Variants in RREB1 observed in about 807,000 individuals in gnomAD.
The protein encoded by RREB1 is ras responsive element binding protein 1, also known as ras-responsive element-binding protein 1.
In RREB1, 27 loss-of-function variants were observed where a neutral mutation model predicts 117.8. The observed-to-expected ratio is 0.23, with a 90% confidence interval of 0.17 to 0.32. The LOEUF (loss-of-function observed/expected upper bound fraction) is 0.32. Among genes scored for constraint, RREB1 ranks in the 10% least tolerant of loss-of-function variants. The pLI, the probability that RREB1 is intolerant of heterozygous loss-of-function variation, is 1.00. For synonymous variants in RREB1, 1,298 were observed against 1,026.7 expected (o/e 1.26, Z -5.05); for missense variants, 2,577 against 2,378.2 (o/e 1.08, Z -1.74).
chr6:7,135,117 G>A (rs982015994), intron 1 of RREB1, among the ~76,000 whole-genome samples: 7 of 152,184 alleles, frequency 4.6e-5, no homozygotes, highest in Admixed American at 3.3e-4. Context: ...GGAGACTAAC[G>A]TAAGGTCCTG....
At chr6:7,208,254 T>C (rs1459820826) in intron 6 of RREB1, among the ~76,000 whole-genome samples, 1 of 152,226 alleles carries the variant, frequency 6.6e-6, no homozygotes, top group East Asian at 1.9e-4. Context: ...ATGATGATCC[T>C]GGCTGCACTT....
At chr6:7,248,350 G>A (rs1024054174) in intron 12 of RREB1, among the ~76,000 whole-genome samples, 161 bp from the exon 13 acceptor site, 4 of 152,216 alleles carry the variant, frequency 2.6e-5, no homozygotes, top group East Asian at 3.9e-4. Flanking sequence ...GAGCTTGTCC[G>A]TCCTCAGTTT....
chr6:7,211,458 T>G (rs1766599458), intron 7 of RREB1, 115 bp from the exon 8 acceptor site: 1 of 920,218 alleles, frequency 1.1e-6, no homozygotes, highest in Admixed American at 2.0e-5. Flanking sequence ...CAGGATTGGA[T>G]AATGCAACCC....
intron 11 of RREB1, among the ~76,000 whole-genome samples, chr6:7,246,055 A>G (rs116788281): frequency 0.016 from 2,477 of 151,956 alleles, 69 homozygotes; most frequent in African/African-American, 0.057. Flanking sequence ...AGCTTCCTCA[A>G]CTTCCCTAGC....
At chr6:7,185,584 A>G (rs1363563823) in intron 4 of RREB1, among the ~76,000 whole-genome samples, 1 of 151,898 alleles carries the variant, frequency 6.6e-6, no homozygotes, top group Non-Finnish European at 1.5e-5. Context: ...AAAAAAGAAA[A>G]AGTTCCTATT....
intron 2 of RREB1, among the ~76,000 whole-genome samples, chr6:7,179,947 C>T (rs1023648529): frequency 6.6e-6 from 1 of 151,888 alleles, no homozygotes; most frequent in South Asian, 2.1e-4. Flanking sequence ...CAACTGTGCC[C>T]GGTGTGAAGC....
chr6:7,246,884 G>T lies in RREB1; in HGVS notation c.4434G>T (p.Glu1478Asp). The change falls in exon 12 of 13, where the codon GAG (glutamate) becomes GAT (aspartate). Residue 1478 changes from glutamate (E) to aspartate (D), a missense_variant. Glu to Asp is a conservative substitution (Grantham distance 45). Coordinates refer to ENST00000379938, the MANE Select transcript of RREB1 (RefSeq NM_001003699.4). ...KAHGRQEPKDEKGDGASTAEE... is the reference protein window; with the variant it reads ...KAHGRQEPKDDKGDGASTAEE... ...ACGGCCGCCAGGAGCCCAAGGACGA[G>T]AAGGGAGATGGCGCCAGCACTGCAG... 6.4e-7 allele frequency: 1 copy of T among 1,553,034 alleles called. No homozygotes were observed.
rs778890728 is a variant in RREB1 at position 7,251,490 on chromosome 6, T to TTGG, written c.*2523_*2524insGGT. On this transcript the variant is annotated 3_prime_UTR_variant, in exon 13 of 13. Coordinates refer to ENST00000379938, the MANE Select transcript of RREB1 (RefSeq NM_001003699.4). ...TTTTTTGAGGTGCAAGTTTTTTCTCTTTTTTTTTTTTTTTTTTTTTTCTCA... is the reference window on the plus strand; with the variant it reads ...TTTTTTGAGGTGCAAGTTTTTTCTCTTGGTTTTTTTTTTTTTTTTTTTTTCTCA... 1.0e-4 allele frequency: 8 copies of TTGG among 79,540 alleles called. No individual in the cohort carries two copies. The highest frequency in any genetic ancestry group is 6.0e-4 in the African/African-American group (8 of 13,368). 4.9% of individuals were successfully genotyped at this position (79,540 alleles called of 1,614,324 possible). A position where few individuals can be genotyped will look rare whatever the true frequency, so the allele number is the denominator to read the frequency against.
chr6:7,243,296 T>C (rs1205539784), intron 11 of RREB1, among the ~76,000 whole-genome samples: 3 of 152,216 alleles, frequency 2.0e-5, no homozygotes, highest in African/African-American at 7.2e-5. Flanking sequence ...TCTTTAATTG[T>C]TGAGCTGACT....
At chr6:7,209,844 T>C (rs965040064) in intron 6 of RREB1, among the ~76,000 whole-genome samples, 2 of 152,384 alleles carry the variant, frequency 1.3e-5, no homozygotes, top group South Asian at 4.1e-4. Context: ...TCAAGCAAGA[T>C]AATCCTATAG....
intron 1 of RREB1, among the ~76,000 whole-genome samples, chr6:7,108,875 C>G (rs955821833): frequency 3.3e-5 from 5 of 151,206 alleles, no homozygotes; most frequent in Admixed American, 3.3e-4. Flanking sequence ...GGCTGGCGGT[C>G]GTGGTCACGC....
intron 2 of RREB1, among the ~76,000 whole-genome samples, chr6:7,180,539 A>C (rs1466301573): frequency 2.6e-5 from 4 of 152,254 alleles, no homozygotes; most frequent in Non-Finnish European, 2.9e-5. Flanking sequence ...AGTTAAAATG[A>C]GGGAAGCAGT....
At chr6:7,110,498 A>G (rs3028830) in intron 1 of RREB1, among the ~76,000 whole-genome samples, 12 of 52,002 alleles carry the variant, frequency 2.3e-4, no homozygotes, top group Non-Finnish European at 4.1e-4. Flanking sequence ...GTGTGTGTGT[A>G]TGTGTTTACC....
At position 7,251,004 on chromosome 6, in the gene RREB1, T is replaced by C. The variant is rs953364981; in HGVS notation, c.*2036T>C. 3.3e-5 allele frequency: 5 copies of C among 152,156 alleles called. No homozygotes were observed. Among genetic ancestry groups the C allele is most frequent in the South Asian group, 4.1e-4 (2 of 4,826 alleles). The allele number at this position is 152,156 out of a possible 1,614,324, so 9.4% of individuals were successfully genotyped here. A position where few individuals can be genotyped will look rare whatever the true frequency, so the allele number is the denominator to read the frequency against. On this transcript the variant is annotated 3_prime_UTR_variant, in exon 13 of 13. Transcript: ENST00000379938. ...TTATTATTATTACAGTTGTTATTGT[T>C]GTTTTTGTTGTTATTATTATTTGGG...
intron 1 of RREB1, among the ~76,000 whole-genome samples, chr6:7,131,864 T>C (rs1409379932): frequency 4.9e-5 from 7 of 142,740 alleles, no homozygotes; most frequent in Non-Finnish European, 1.1e-4. Flanking sequence ...CCTTGAGGAC[T>C]TTTTTTTTTT....
In RREB1 at chr6:7,226,545, C is replaced by T. The variant is rs765040676; in HGVS notation, c.786C>T (p.Pro262=). The T allele has an allele frequency of 1.2e-6, 2 of 1,614,148 alleles. No homozygotes were observed. Among genetic ancestry groups the T allele is most frequent in the Non-Finnish European group, 1.7e-6 (2 of 1,179,990 alleles). The change falls in exon 9 of 13, where the codon CCC becomes CCT. Residue 262 remains proline, a synonymous_variant. Coordinates refer to ENST00000379938, the MANE Select transcript of RREB1 (RefSeq NM_001003699.4). The stretch of plus-strand genomic sequence containing the variant: ...ACGCGCTTGTCCACAAACAACTTCC[C>T]AGGGATGCAATGGGCAGACCTTTCA... ...RHNALVHKQL[P]RDAMGRPFIQ...
At position 7,211,338 on chromosome 6, in the gene RREB1, A is replaced by ACG. The variant is rs1554124720; in HGVS notation, c.571-235_571-234insCG. On this transcript the variant is annotated intron_variant, in intron 7 of 12. Coordinates refer to ENST00000379938, the MANE Select transcript of RREB1 (RefSeq NM_001003699.4). Reference sequence around the variant, plus strand: ...AGGGTGGGTGGATGGATGGATGGACAGATGGATGGATGGATGGATGGATGG... The same window carrying ACG: ...AGGGTGGGTGGATGGATGGATGGACACGGATGGATGGATGGATGGATGGATGG... Among the ~76,000 whole-genome samples, 918 of 118,676 alleles carry ACG rather than the reference A, an allele frequency of 7.7e-3. 46 individuals are homozygous for ACG. Among genetic ancestry groups the ACG allele is most frequent in the Admixed American group, 0.077 (847 of 11,008 alleles). 77.9% of individuals were successfully genotyped at this position (118,676 alleles called of 152,430 possible). A position where few individuals can be genotyped will look rare whatever the true frequency, so the allele number is the denominator to read the frequency against.
At chr6:7,165,867 G>T (rs1454156468) in intron 1 of RREB1, among the ~76,000 whole-genome samples, 2 of 152,108 alleles carry the variant, frequency 1.3e-5, no homozygotes, top group Non-Finnish European at 2.9e-5. Context: ...TGTAACATTT[G>T]GGGGGAGTTT....
At chr6:7,241,835 A>T (rs1768723285) in intron 11 of RREB1, among the ~76,000 whole-genome samples, 1 of 152,186 alleles carries the variant, frequency 6.6e-6, no homozygotes, top group Non-Finnish European at 1.5e-5. Context: ...CTGCTTCCCC[A>T]GCTTCCACTT....
Sources: allele counts gnomAD v4.1 joint callset (sites outside exome capture counted in the v4.1 genomes callset), GRCh38; gene constraint gnomAD v4.1.1; transcripts MANE v1.5; gene names NCBI Gene and HGNC (gene_info 2026-07-23, HGNC 2026-07-21).